COL23A1: variants seen among roughly 807,000 people sequenced by gnomAD.
COL23A1 encodes the protein collagen type XXIII alpha 1 chain, also known as collagen alpha-1(XXIII) chain.
In COL23A1, 97 loss-of-function variants were observed where a neutral mutation model predicts 99.3. The ratio of observed to expected loss-of-function variants is 0.98; its 90% confidence interval spans 0.83 to 1.16. The LOEUF (loss-of-function observed/expected upper bound fraction) is 1.16. Ranked by LOEUF, COL23A1 falls within the 50% of genes most tolerant of loss-of-function variation. The pLI is 0.00. For missense variants in COL23A1, 762 were observed against 757.4 expected (o/e 1.01, Z -0.07); for synonymous variants, 320 against 308.2 (o/e 1.04, Z -0.40).
intron 2 of COL23A1, among the ~76,000 whole-genome samples, chr5:178,545,234 A>C (rs994193009): frequency 9.2e-5 from 14 of 152,264 alleles, no homozygotes; most frequent in Admixed American, 6.5e-4. Flanking sequence ...TCCCTGGGCT[A>C]TGCCCTCCTC....
At chr5:178,458,825 C>T (rs1002244077) in intron 2 of COL23A1, among the ~76,000 whole-genome samples, 16 of 152,258 alleles carry the variant, frequency 1.1e-4, no homozygotes, top group African/African-American at 3.6e-4. Context: ...TCCTGTGGGG[C>T]GTGCACCCCA....
chr5:178,430,587 G>C (rs1041908557), intron 2 of COL23A1, among the ~76,000 whole-genome samples: 1 of 152,242 alleles, frequency 6.6e-6, no homozygotes, highest in Non-Finnish European at 1.5e-5. Flanking sequence ...AGTGAGCACA[G>C]AGTGTGAGCG....
At chr5:178,560,620 A>G in intron 2 of COL23A1, 62 bp downstream of exon 2, 1 of 1,490,632 alleles carries the variant, frequency 6.7e-7, no homozygotes, top group Non-Finnish European at 9.2e-7. Context: ...TGCTGTTCTC[A>G]GCAATCCCAA....
chr5:178,260,944 T>C (rs916582256), intron 11 of COL23A1, among the ~76,000 whole-genome samples: 17 of 151,888 alleles, frequency 1.1e-4, no homozygotes, highest in African/African-American at 3.6e-4. Context: ...GAATCCAGAG[T>C]GTACCACAGC....
At chr5:178,558,734 A>G (rs965322282) in intron 2 of COL23A1, among the ~76,000 whole-genome samples, 4 of 152,186 alleles carry the variant, frequency 2.6e-5, no homozygotes, top group African/African-American at 9.6e-5. Context: ...CATTTTGCAG[A>G]TCATCTAAAA....
intron 2 of COL23A1, among the ~76,000 whole-genome samples, chr5:178,521,642 T>C (rs1759952742): frequency 6.6e-6 from 1 of 151,930 alleles, no homozygotes; most frequent in Non-Finnish European, 1.5e-5. Context: ...CAAAATGTGG[T>C]CTAACCATGC....
At position 178,511,885 on chromosome 5, in the gene COL23A1, T is replaced by C. The variant is rs148276779; in HGVS notation, c.361+48797A>G. 2.2e-3 allele frequency among the ~76,000 whole-genome samples: 333 copies of C among 152,172 alleles called. 2 individuals carry two copies. Among genetic ancestry groups the C allele is most frequent in the African/African-American group, 7.1e-3 (297 of 41,544 alleles). On this transcript the variant is annotated intron_variant, in intron 2 of 28. Coordinates refer to ENST00000390654, the MANE Select transcript of COL23A1 (RefSeq NM_173465.4). ...GCATCTCAGATACCACCTACCAATT[T>C]GGCAAAAAAAAAATTTTAATTGGTA...
intron 5 of COL23A1, among the ~76,000 whole-genome samples, chr5:178,278,425 G>A (rs1319559091): frequency 6.6e-6 from 1 of 152,222 alleles, no homozygotes; most frequent in Non-Finnish European, 1.5e-5. Context: ...TGGATTTCCA[G>A]CTTCTCTGGA....
intron 18 of COL23A1, 143 bp from the exon 19 acceptor site, chr5:178,249,349 C>G: frequency 1.3e-6 from 1 of 797,598 alleles, no homozygotes; most frequent in Admixed American, 2.1e-5. Flanking sequence ...GGCTGGGAGC[C>G]TCACCCGGAT....
At position 178,378,813 on chromosome 5, in the gene COL23A1, G is replaced by A. The variant is rs749721055; in HGVS notation, c.362-71894C>T. Among the ~76,000 whole-genome samples, 7 of 152,284 alleles carry A rather than the reference G, an allele frequency of 4.6e-5. No homozygotes were observed. The South Asian group carries it at 6.2e-4, about 14-fold the overall frequency. On this transcript the variant is annotated intron_variant, in intron 2 of 28. Transcript: ENST00000390654. ...AGACCGCTGGCAGGTGGCAGCGGCC[G>A]CAGGACGGAAGATCCTGAGGCAGAC...
At chr5:178,292,539 G>A (rs2913822) in intron 3 of COL23A1, among the ~76,000 whole-genome samples, 93,076 of 152,052 alleles carry the variant, frequency 0.61, 29,203 homozygotes, top group Non-Finnish European at 0.7. Context: ...TGGGGCAATT[G>A]GGTAGGGCCT....
chr5:178,249,953 G>A lies in COL23A1; in HGVS notation c.1059+108C>T, dbSNP rs557809536. 1.4e-5 allele frequency: 20 copies of A among 1,379,432 alleles called. No homozygotes were observed. In the Admixed American group the frequency reaches 2.9e-4, roughly 20 times the overall value. The allele number at this position is 1,379,432 out of a possible 1,614,324, so 85.4% of individuals were successfully genotyped here. ...ATGATTTTTGATTTTCTCACACATG[G>A]TGTTTCTCTAACTCTGTGCACACAT... On this transcript the variant is annotated intron_variant, in intron 18 of 28. Coordinates refer to ENST00000390654, the MANE Select transcript of COL23A1 (RefSeq NM_173465.4).
chr5:178,523,181 C>CATATATATAT (rs375162340), intron 2 of COL23A1, among the ~76,000 whole-genome samples: 26 of 90,428 alleles, frequency 2.9e-4, no homozygotes, highest in Middle Eastern at 6.5e-3. Flanking sequence ...TATATATACA[C>CATATATATAT]ATATATATAT....
intron 2 of COL23A1, among the ~76,000 whole-genome samples, chr5:178,509,249 T>A (rs1320483968): frequency 1.4e-5 from 2 of 140,374 alleles, no homozygotes; most frequent in Non-Finnish European, 3.0e-5. Flanking sequence ...CGAGACAGAG[T>A]CTCACTCTGT....
At chr5:178,492,313 ATG>A (rs1396754094) in intron 2 of COL23A1, among the ~76,000 whole-genome samples, 1 of 152,140 alleles carries the variant, frequency 6.6e-6, no homozygotes, top group African/African-American at 2.4e-5. Flanking sequence ...AGGAGGGAGT[ATG>A]GGCAGCGCCT....
chr5:178,484,168 C>T (rs1757485465), intron 2 of COL23A1, among the ~76,000 whole-genome samples: 3 of 152,146 alleles, frequency 2.0e-5, no homozygotes, highest in Non-Finnish European at 2.9e-5. Context: ...AGGTGATCCG[C>T]CTACCTCAGC....
intron 2 of COL23A1, among the ~76,000 whole-genome samples, chr5:178,321,591 G>A (rs1013719320): frequency 5.6e-5 from 8 of 142,680 alleles, no homozygotes; most frequent in African/African-American, 1.6e-4. Context: ...CCAGGTTCAC[G>A]CCATTCTCCT....
intron 2 of COL23A1, among the ~76,000 whole-genome samples, chr5:178,330,386 G>C (rs1393384975): frequency 6.6e-6 from 1 of 152,286 alleles, no homozygotes; most frequent in Non-Finnish European, 1.5e-5. Context: ...GCTGAGCGCT[G>C]TGGCCCATGC....
At chr5:178,528,642 C>T (rs1323920112) in intron 2 of COL23A1, among the ~76,000 whole-genome samples, 1 of 152,224 alleles carries the variant, frequency 6.6e-6, no homozygotes, top group Admixed American at 6.5e-5. Context: ...GAAACCCCAT[C>T]TCTACTAAAA....
Sources: allele counts gnomAD v4.1 joint callset (sites outside exome capture counted in the v4.1 genomes callset), GRCh38; gene constraint gnomAD v4.1.1; transcripts MANE v1.5; gene names NCBI Gene and HGNC (gene_info 2026-07-23, HGNC 2026-07-21).